The following ESCO2 variants were observed in gnomAD, a reference collection of about 807,000 sequenced individuals.
ESCO2 encodes establishment of sister chromatid cohesion N-acetyltransferase 2, also known as N-acetyltransferase ESCO2.
Under a neutral mutation model 61.7 loss-of-function variants are expected in ESCO2, and 51 were observed. That is an observed-to-expected ratio of 0.83 (90% CI 0.66 to 1.04). The LOEUF (loss-of-function observed/expected upper bound fraction) is 1.04. Ranked by LOEUF, ESCO2 falls within the 50% of genes least tolerant of loss-of-function variation. The pLI, the probability that ESCO2 is intolerant of heterozygous loss-of-function variation, is 0.00. For missense variants in ESCO2, 692 were observed against 686.2 expected, an observed-to-expected ratio of 1.01 and a Z score of -0.09; for synonymous variants, 230 against 238.2, an observed-to-expected ratio of 0.97 and a Z score of 0.32.
Position 27,791,971 on chromosome 8 carries a change from G to T in ESCO2, c.1272G>T (p.Lys424Asn). 1 of 1,613,998 alleles carries T rather than the reference G, an allele frequency of 6.2e-7. No homozygotes were observed. The highest frequency in any genetic ancestry group is 1.3e-5 in the African/African-American group (1 of 75,012). ...FLEGIKYVGW[K>N]KERVVAEFWD... Reference sequence around the variant, plus strand: ...TTGTTTTCCTTTGGCAGGGTTGGAAGAAAGAACGTGTAGTAGCAGAGTTTT... The same window carrying T: ...TTGTTTTCCTTTGGCAGGGTTGGAATAAAGAACGTGTAGTAGCAGAGTTTT... Residue 424 changes from lysine to asparagine, a missense_variant, in exon 8 of 11, where the codon AAG (lysine) becomes AAT (asparagine). Transcript: ENST00000305188.
intron 2 of ESCO2, 40 bp from the exon 3 acceptor site, chr8:27,776,322 G>A (rs751206762): frequency 5.9e-6 from 9 of 1,537,758 alleles, no homozygotes; most frequent in South Asian, 2.4e-5. Context: ...AAATTTTGAC[G>A]CAAAATAATC....
At chr8:27,790,167 G>T (rs1312984582) in intron 7 of ESCO2, among the ~76,000 whole-genome samples, 1 of 152,132 alleles carries the variant, frequency 6.6e-6, no homozygotes, top group Non-Finnish European at 1.5e-5. Flanking sequence ...AGCTCCTGCC[G>T]CTGGAATAAG....
intron 10 of ESCO2, among the ~76,000 whole-genome samples, chr8:27,801,187 T>C (rs938551849): frequency 2.0e-5 from 3 of 152,216 alleles, no homozygotes; most frequent in Admixed American, 6.5e-5. Flanking sequence ...AAGTTTCCAA[T>C]GTCACAAACA....
chr8:27,813,599 TATC>T (rs1805746021), downstream of ESCO2, among the ~76,000 whole-genome samples: 1 of 108,944 alleles, frequency 9.2e-6, no homozygotes, highest in African/African-American at 4.3e-5. Context: ...CTAATTAACA[TATC>T]TATCACCTCA....
At chr8:27,791,613 A>G (rs777150638) in intron 7 of ESCO2, among the ~76,000 whole-genome samples, 5 of 151,368 alleles carry the variant, frequency 3.3e-5, no homozygotes, top group Non-Finnish European at 1.5e-5. Context: ...TTATTCTTCT[A>G]CCCCTCCCCT....
chr8:27,786,633 T>A (rs977445982), intron 5 of ESCO2, among the ~76,000 whole-genome samples: 1 of 152,218 alleles, frequency 6.6e-6, no homozygotes, highest in Non-Finnish European at 1.5e-5. Flanking sequence ...ACAGCAAGTA[T>A]ATTTAGTGAA....
intron 7 of ESCO2, among the ~76,000 whole-genome samples, chr8:27,790,661 T>G (rs1279825355): frequency 6.6e-6 from 1 of 152,174 alleles, no homozygotes; most frequent in East Asian, 1.9e-4. Context: ...TTAAAAAAAT[T>G]TATAGCTATA....
chr8:27,778,932 T>C (rs1008100014), intron 3 of ESCO2: 3 of 152,344 alleles, frequency 2.0e-5, no homozygotes, highest in Non-Finnish European at 4.4e-5. Context: ...TTTTTTTATT[T>C]TGAGATGGAG....
At chr8:27,807,562 G>A (rs1805585916), downstream of ESCO2, among the ~76,000 whole-genome samples, 1 of 152,108 alleles carries the variant, frequency 6.6e-6, no homozygotes, top group Non-Finnish European at 1.5e-5. Context: ...GGTATCTGTA[G>A]GATCTGTAGT....
chr8:27,788,742 GAA>G, intron 6 of ESCO2, 103 bp from the exon 7 acceptor site: 1 of 1,328,178 alleles, frequency 7.5e-7, no homozygotes, highest in Non-Finnish European at 1.1e-6. Context: ...GTGTCAGCAG[GAA>G]AAAAAAAATT....
intron 9 of ESCO2, among the ~76,000 whole-genome samples, chr8:27,795,768 T>G (rs1382246016): frequency 6.6e-6 from 1 of 152,214 alleles, no homozygotes; most frequent in Admixed American, 6.5e-5. Context: ...AGTTTTGTTC[T>G]TCATTCTGTT....
chr8:27,802,607 CAAAA>C (rs1188348304), intron 10 of ESCO2, among the ~76,000 whole-genome samples: 25 of 29,144 alleles, frequency 8.6e-4, no homozygotes, highest in African/African-American at 1.5e-3. Context: ...GACTCTGTCT[CAAAA>C]AAAAAAAAAA....
Position 27,776,860 on chromosome 8 carries a change from A to C in ESCO2, c.552A>C (p.Ser184=). 1 of 1,614,190 alleles carries C rather than the reference A, an allele frequency of 6.2e-7. No homozygotes were observed. Among genetic ancestry groups the C allele is most frequent in the Non-Finnish European group, 8.5e-7 (1 of 1,180,040 alleles). The change falls in exon 3 of 11, where the codon TCA becomes TCC. Residue 184 remains serine (S), a synonymous_variant. Coordinates refer to ENST00000305188, the MANE Select transcript of ESCO2 (RefSeq NM_001017420.3). ...PIVEKENNCH[S]AENNSNAPRV... ...TGGAGAAGGAAAATAATTGTCATTC[A>C]GCTGAAAATAATTCCAATGCTCCTC... is the stretch of plus-strand genomic sequence containing the variant.
downstream of ESCO2, among the ~76,000 whole-genome samples, chr8:27,816,343 C>CATATATATATATATATATA (rs1554559819): frequency 3.7e-5 from 5 of 136,372 alleles, no homozygotes; most frequent in African/African-American, 1.5e-4. Context: ...TCATCGAATA[C>CATATATATATATATATATA]TATATATATA....
chr8:27,799,757 A>G, intron 10 of ESCO2, 41 bp downstream of exon 10: 2 of 1,610,666 alleles, frequency 1.2e-6, no homozygotes, highest in African/African-American at 1.3e-5. Context: ...CCTTAGATTC[A>G]TAGCTTTCCC....
intron 3 of ESCO2, 83 bp downstream of exon 3, chr8:27,777,252 C>G: frequency 7.6e-7 from 1 of 1,308,596 alleles, no homozygotes; most frequent in East Asian, 2.5e-5. Context: ...ATTTTATTTT[C>G]TGGACTGCTT....
rs560783349 is a variant in ESCO2, at chr8:27,778,056, A to G, written c.861+887A>G. 8 of 152,354 alleles carry G rather than the reference A, an allele frequency of 5.3e-5. No individual in the cohort carries two copies. The South Asian group carries it at 1.4e-3, about 28-fold the overall frequency. 9.4% of individuals were successfully genotyped at this position (152,354 alleles called of 1,614,324 possible). ...CATAAATGTTTTGCTTGGCCTACAT[A>G]ATTTAAAAGTTGGAGCCAAAATTAT... On this transcript the variant is annotated intron_variant, in intron 3 of 10. Coordinates refer to ENST00000305188, the MANE Select transcript of ESCO2 (RefSeq NM_001017420.3).
intron 10 of ESCO2, among the ~76,000 whole-genome samples, chr8:27,801,890 A>G (rs1805433468): frequency 6.6e-6 from 1 of 151,756 alleles, no homozygotes; most frequent in Admixed American, 6.6e-5. Flanking sequence ...CAAATTTGGG[A>G]AATTTAATAT....
Position 27,804,137 on chromosome 8 carries a change from A to T in ESCO2, c.*699A>T, listed in dbSNP as rs1466099984. 1.5e-5 allele frequency: 15 copies of T among 985,250 alleles called. No homozygotes were observed. Among genetic ancestry groups the T allele is most frequent in the Non-Finnish European group, 1.7e-5 (14 of 829,862 alleles). The allele number at this position is 985,250 out of a possible 1,614,324, so 61.0% of individuals were successfully genotyped here. ...TAGAATTTATTTGTAACAAGATGGT[A>T]AGGAATAAGATTATCCCATATGCAT... On this transcript the variant is annotated 3_prime_UTR_variant, in exon 11 of 11. Coordinates refer to ENST00000305188, the MANE Select transcript of ESCO2 (RefSeq NM_001017420.3).
Sources: gnomAD v4.1 joint callset for allele counts (sites outside exome capture counted in the v4.1 genomes callset) on GRCh38, gnomAD v4.1.1 for gene constraint, MANE v1.5 for transcripts, NCBI Gene and HGNC (gene_info 2026-07-23, HGNC 2026-07-21) for gene names.